MPHOSPH9: variants seen among roughly 807,000 people sequenced by gnomAD.
MPHOSPH9 encodes M-phase phosphoprotein 9.
In MPHOSPH9, 88 loss-of-function variants were observed where a neutral mutation model predicts 145.5. That is an observed-to-expected ratio of 0.60 (90% CI 0.51 to 0.72). The LOEUF is 0.72. MPHOSPH9 is among the 30% of genes least tolerant of loss of function. The probability of loss-of-function intolerance (pLI) is 0.00; values close to 1 mark genes in which losing one functional copy is unlikely to be tolerated. For synonymous variants in MPHOSPH9, 435 were observed against 486.2 expected, an observed-to-expected ratio of 0.89 and a Z score of 1.39; for missense variants, 1,238 against 1,386.6, an observed-to-expected ratio of 0.89 and a Z score of 1.70.
At chr12:123,181,676 T>G (rs2045153694) in intron 13 of MPHOSPH9, among the ~76,000 whole-genome samples, 1 of 151,902 alleles carries the variant, frequency 6.6e-6, no homozygotes, top group African/African-American at 2.4e-5. Flanking sequence ...GGCTACAGTG[T>G]GCTATGATCG....
rs533252251 is a variant in MPHOSPH9, at chr12:123,154,949, G to A, written c.*1858C>T. On this transcript the variant is annotated 3_prime_UTR_variant, in exon 24 of 24. Transcript: ENST00000606320. ...GCAGGCGGATCACATGAGTTCAGGA[G>A]TTTGAGACCAGCCTGGCCAATATGG... is the stretch of plus-strand genomic sequence containing the variant. 1.3e-5 allele frequency: 2 copies of A among 149,364 alleles called. No individual in the cohort carries two copies. The highest frequency in any genetic ancestry group is 1.4e-4 in the Admixed American group (2 of 14,794). 9.3% of individuals were successfully genotyped at this position (149,364 alleles called of 1,614,324 possible).
rs180897078 is a variant in MPHOSPH9 at position 123,181,253 on chromosome 12, G to A, written c.2242-43C>T. The A allele has an allele frequency of 3.8e-3, 5,807 of 1,546,926 alleles. 20 individuals are homozygous for A. The highest frequency in any genetic ancestry group is 6.0e-3 in the Middle Eastern group (35 of 5,786). ...AAAAAATTATACCACAAAATTAAAC[G>A]TTATTCTATCAACTGAGGTACAGTC... On this transcript the variant is annotated intron_variant, in intron 13 of 23. Coordinates refer to ENST00000606320, the MANE Select transcript of MPHOSPH9 (RefSeq NM_022782.4).
Position 123,198,247 on chromosome 12 carries a change from C to T in MPHOSPH9, c.2025G>A (p.Val675=). Residue 675 remains valine, a splice_region_variant and synonymous_variant, in exon 12 of 24, where the codon GTG becomes GTA. Coordinates refer to ENST00000606320, the MANE Select transcript of MPHOSPH9 (RefSeq NM_022782.4). ...CACCCACCAAAAAAAGAGTACTTAC[C>T]ACTTCAATTTCCAGTAAGTTATTCT... ...ENKNNLLEIE[V]NDLRERFSAA... The T allele has an allele frequency of 6.2e-7, 1 of 1,605,464 alleles. No homozygotes were observed. Among genetic ancestry groups the T allele is most frequent in the Non-Finnish European group, 8.5e-7 (1 of 1,174,508 alleles).
chr12:123,208,621 G>A (rs1037764080), intron 8 of MPHOSPH9, among the ~76,000 whole-genome samples: 10 of 151,354 alleles, frequency 6.6e-5, no homozygotes, highest in African/African-American at 2.4e-4. Context: ...ATGAATGGAG[G>A]TGTAACAAAT....
intron 13 of MPHOSPH9, among the ~76,000 whole-genome samples, chr12:123,187,081 G>A (rs2045476404): frequency 6.6e-6 from 1 of 152,146 alleles, no homozygotes; most frequent in African/African-American, 2.4e-5. Flanking sequence ...CTAACATGGT[G>A]AAACCCTGTT....
chr12:123,236,391 C>T (rs920200717), upstream of MPHOSPH9, among the ~76,000 whole-genome samples: 2 of 151,524 alleles, frequency 1.3e-5, no homozygotes, highest in African/African-American at 4.9e-5. Context: ...CCCATGAGTT[C>T]GAGACCTGCC....
At chr12:123,235,060 CTGGGTTTG>C (rs2047822072), upstream of MPHOSPH9, among the ~76,000 whole-genome samples, 1 of 152,204 alleles carries the variant, frequency 6.6e-6, no homozygotes, top group Non-Finnish European at 1.5e-5. Context: ...AGTTCCCAGA[CTGGGTTTG>C]TGTCATAAGA....
Position 123,159,454 on chromosome 12 carries a change from C to T in MPHOSPH9, c.3450+1327G>A, listed in dbSNP as rs11057173. On this transcript the variant is annotated intron_variant, in intron 23 of 23. Coordinates refer to ENST00000606320, the MANE Select transcript of MPHOSPH9 (RefSeq NM_022782.4). The surrounding 1 kb of genome is among the most constrained non-coding windows in gnomAD (Gnocchi z 4.3). ...CTGGGATTACAGGCATAAGCCATTG[C>T]GCCTGGCCATGGCAGGTTTTTTTTT... Among the ~76,000 whole-genome samples the T allele has an allele frequency of 0.02, 3,109 of 152,168 alleles. 40 individuals carry two copies. The highest frequency in any genetic ancestry group is 0.032 in the Non-Finnish European group (2,149 of 68,000).
chr12:123,170,136 C>A (rs570315446), intron 16 of MPHOSPH9, among the ~76,000 whole-genome samples: 2 of 151,332 alleles, frequency 1.3e-5, no homozygotes, highest in South Asian at 2.1e-4. Flanking sequence ...TACCACCAAC[C>A]ACCACACCCA....
chr12:123,179,287 C>G (rs965500425), intron 15 of MPHOSPH9, among the ~76,000 whole-genome samples: 1 of 151,980 alleles, frequency 6.6e-6, no homozygotes, highest in African/African-American at 2.4e-5. Flanking sequence ...AAAAATCAGC[C>G]AGGCTTGCCG....
intron 13 of MPHOSPH9, among the ~76,000 whole-genome samples, chr12:123,189,684 C>T (rs2045590874): frequency 6.6e-6 from 1 of 152,098 alleles, no homozygotes; most frequent in Non-Finnish European, 1.5e-5. Context: ...CCTGTAATCC[C>T]AGCACTTTGG....
chr12:123,204,364 T>C (rs1425802725), intron 8 of MPHOSPH9, among the ~76,000 whole-genome samples: 1 of 151,838 alleles, frequency 6.6e-6, no homozygotes, highest in Non-Finnish European at 1.5e-5. Context: ...GAGAAAACTT[T>C]CGGCCAAATT....
At chr12:123,233,306 A>T (rs1459628249), upstream of MPHOSPH9, 4 of 152,268 alleles carry the variant, frequency 2.6e-5, no homozygotes, top group African/African-American at 9.6e-5. Context: ...ATTGCTGTGA[A>T]ACTCTCTTCT....
In MPHOSPH9 at chr12:123,163,087, T is replaced by C; in HGVS notation, c.2956A>G (p.Lys986Glu). The change falls in exon 20 of 24, where the codon AAG becomes GAG. Residue 986 changes from lysine to glutamate, a missense_variant. Lys to Glu is a moderately conservative substitution (Grantham distance 56). This residue lies in a region of MPHOSPH9 where 393 missense variants were observed against 462.5 expected (regional missense o/e 0.85). Coordinates refer to ENST00000606320, the MANE Select transcript of MPHOSPH9 (RefSeq NM_022782.4). ...GACAAGTTTTCTTTAGGGGATCGCT[T>C]TGGACTATAAGCCACAGTCACTGGT... ...LTPVTVAYSP[K>E]RSPKENLSPG... is the part of the protein sequence containing the mutation. 1 of 1,594,946 alleles carries C rather than the reference T, an allele frequency of 6.3e-7. No individual in the cohort carries two copies. Among genetic ancestry groups the C allele is most frequent in the Non-Finnish European group, 8.5e-7 (1 of 1,174,516 alleles).
chr12:123,163,938 T>C lies in MPHOSPH9; in HGVS notation c.2908+12A>G. 6.2e-7 allele frequency: 1 copy of C among 1,613,996 alleles called. No individual in the cohort carries two copies. The highest frequency in any genetic ancestry group is 8.5e-7 in the Non-Finnish European group (1 of 1,179,942). ...CTTTTGAACCCAAGAGATGTACACATCTAACTCTTACTTGGAGTACTTGAT... is the reference window on the plus strand; with the variant it reads ...CTTTTGAACCCAAGAGATGTACACACCTAACTCTTACTTGGAGTACTTGAT... On this transcript the variant is annotated intron_variant, in intron 19 of 23. Coordinates refer to ENST00000606320, the MANE Select transcript of MPHOSPH9 (RefSeq NM_022782.4).
At chr12:123,242,639 G>A (rs536878493) in intron 1 of MPHOSPH9, among the ~76,000 whole-genome samples, 18 of 152,262 alleles carry the variant, frequency 1.2e-4, no homozygotes, top group African/African-American at 2.9e-4. Flanking sequence ...ACTGAACACC[G>A]GAGACCTTCT....
At chr12:123,190,719 T>G (rs1404095239) in intron 13 of MPHOSPH9, among the ~76,000 whole-genome samples, 1 of 152,114 alleles carries the variant, frequency 6.6e-6, no homozygotes, top group South Asian at 2.1e-4. Context: ...CACAGGCATA[T>G]GTAGTAAAAG....
At chr12:123,180,459 G>A (rs565401004) in intron 14 of MPHOSPH9, among the ~76,000 whole-genome samples, 1 of 152,154 alleles carries the variant, frequency 6.6e-6, no homozygotes, top group South Asian at 2.1e-4. Flanking sequence ...ATCGTCGAAG[G>A]GTTTTACTGA....
At chr12:123,216,231 C>T (rs1334746274) in intron 6 of MPHOSPH9, among the ~76,000 whole-genome samples, 1 of 152,154 alleles carries the variant, frequency 6.6e-6, no homozygotes, top group African/African-American at 2.4e-5. Context: ...GTTCATAGAG[C>T]TTCATTTACC....
Sources: gnomAD v4.1 joint callset for allele counts (sites outside exome capture counted in the v4.1 genomes callset) on GRCh38, gnomAD v4.1.1 for gene constraint, gnomAD v4.1.1 regional missense constraint, Gnocchi (gnomAD v3.1) non-coding constraint, MANE v1.5 for transcripts, NCBI Gene and HGNC (gene_info 2026-07-23, HGNC 2026-07-21) for gene names.